ATP2B3: variants seen among roughly 807,000 people sequenced by gnomAD.
The protein encoded by ATP2B3 is ATPase plasma membrane Ca2+ transporting 3.
A neutral mutation model predicts 70.8 loss-of-function variants in ATP2B3; 12 were observed. That is an observed-to-expected ratio of 0.17 (90% CI 0.11 to 0.27). The LOEUF is 0.27. Among genes scored for constraint, ATP2B3 ranks in the 10% least tolerant of loss-of-function variants. The pLI is 1.00. For missense variants in ATP2B3, 858 were observed against 1,118.5 expected (o/e 0.77, Z 3.32); for synonymous variants, 460 against 497.8 (o/e 0.92, Z 1.01).
chrX:153,534,755 T>C (rs2090165484), intron 2 of ATP2B3, among the ~76,000 whole-genome samples: 1 of 113,253 alleles, frequency 8.8e-6, no homozygotes, highest in Non-Finnish European at 1.9e-5. Context: ...GGCTGCTTCA[T>C]GTGCAATGTG....
intron 2 of ATP2B3, among the ~76,000 whole-genome samples, chrX:153,520,963 C>G (rs998745627): frequency 1.8e-5 from 2 of 112,798 alleles, no homozygotes; most frequent in African/African-American, 3.2e-5. Flanking sequence ...GGATTTATAT[C>G]AGTCTCCAGC....
intron 21 of ATP2B3, chrX:153,569,885 G>T (rs1004605246): frequency 1.3e-6 from 1 of 751,735 alleles, no homozygotes; most frequent in South Asian, 2.6e-5. Context: ...TTTCTTTACC[G>T]CCCTGTCCAG....
rs782125984 is a variant in ATP2B3 at position 153,553,099 on chromosome X, A to T, written c.1888A>T (p.Met630Leu). The T allele has an allele frequency of 4.1e-6, 5 of 1,207,783 alleles. No individual in the cohort carries two copies. In the Admixed American group the frequency reaches 8.7e-5, roughly 21 times the overall value. ...CTTTCGGCCTCGGGACCGGGACGAC[A>T]TGGTGAGGAAGATCATCGAGCCGAT... ...RGFRPRDRDDMVRKIIEPMAC... is the reference protein window; with the variant it reads ...RGFRPRDRDDLVRKIIEPMAC... The change falls in exon 13 of 22, where the codon ATG (methionine) becomes TTG (leucine). Residue 630 changes from methionine (M) to leucine (L), a missense_variant. By Grantham distance (15) the Met-to-Leu change is conservative. Around this residue, in one of 5 missense-constraint regions of ATP2B3, gnomAD observed 242 missense variants for 281.3 expected, o/e 0.86. Transcript: ENST00000263519.
Position 153,558,274 on chromosome X carries a change from G to C in ATP2B3, c.2596G>C (p.Val866Leu), listed in dbSNP as rs1557014796. 1 of 1,211,213 alleles carries C rather than the reference G, an allele frequency of 8.3e-7. No homozygotes were observed. The highest frequency in any genetic ancestry group is 3.0e-5 in the East Asian group (1 of 33,824). The change falls in exon 17 of 22, where the codon GTG becomes CTG. Residue 866 changes from valine to leucine, a missense_variant. Coordinates refer to ENST00000263519, the MANE Select transcript of ATP2B3 (RefSeq NM_001001344.3). ...GACGGTCAATGTGGTGGCTGTGATC[G>C]TGGCCTTCACAGGTGCCTGCATTAC... Reference protein sequence around the residue: ...QLTVNVVAVIVAFTGACITQD... With the variant: ...QLTVNVVAVILAFTGACITQD...
intron 21 of ATP2B3, among the ~76,000 whole-genome samples, chrX:153,575,901 G>A (rs192073404): frequency 9.0e-6 from 1 of 111,025 alleles, no homozygotes; most frequent in African/African-American, 3.3e-5. Flanking sequence ...GATGGGGAAC[G>A]GAGAAGTGTG....
intron 6 of ATP2B3, among the ~76,000 whole-genome samples, chrX:153,542,806 C>T (rs782446515): frequency 6.2e-5 from 7 of 113,225 alleles, no homozygotes; most frequent in Admixed American, 9.2e-5. Context: ...CAGCATAGTC[C>T]GGTGTTTATC....
intron 2 of ATP2B3, 135 bp from the exon 3 acceptor site, chrX:153,535,987 G>T: frequency 2.4e-6 from 1 of 419,791 alleles, no homozygotes; most frequent in South Asian, 3.3e-5. Context: ...CACTGGCCCA[G>T]CCTGGGAGGT....
At chrX:153,554,256 G>A (rs782698072) in intron 13 of ATP2B3, among the ~76,000 whole-genome samples, 13 of 113,224 alleles carry the variant, frequency 1.1e-4, no homozygotes, top group African/African-American at 4.2e-4. Flanking sequence ...AATGGGCCCC[G>A]CAAAGGCGGG....
rs2090757346 is a variant in ATP2B3, at chrX:153,569,512, A to G, written c.3342+4409A>G. 4.9e-6 allele frequency: 5 copies of G among 1,019,881 alleles called. No individual in the cohort carries two copies. In the Admixed American group the frequency reaches 1.1e-4, roughly 23 times the overall value. 84.0% of individuals were successfully genotyped at this position (1,019,881 alleles called of 1,213,427 possible). A position where few individuals can be genotyped will look rare whatever the true frequency, so the allele number is the denominator to read the frequency against. On this transcript the variant is annotated intron_variant, in intron 21 of 21. Transcript: ENST00000263519. ...GGCTTTGCTGTCACCCTATGTGCCC[A>G]GTGGTGGCCCCTATCCTCGCCCAGC...
intron 7 of ATP2B3, among the ~76,000 whole-genome samples, chrX:153,543,964 C>T (rs1020088966): frequency 3.7e-5 from 4 of 107,622 alleles, no homozygotes; most frequent in Non-Finnish European, 5.8e-5. Flanking sequence ...GGGCGTGGGG[C>T]GGGCAGTCAG....
chrX:153,539,853 T>A (rs977929261), intron 3 of ATP2B3, among the ~76,000 whole-genome samples: 1 of 112,903 alleles, frequency 8.9e-6, no homozygotes, highest in Non-Finnish European at 1.9e-5. Flanking sequence ...CGGATGCCAG[T>A]CACGCACGTA....
chrX:153,573,144 G>A (rs922750565), intron 21 of ATP2B3, among the ~76,000 whole-genome samples: 6 of 112,593 alleles, frequency 5.3e-5, no homozygotes, highest in South Asian at 3.7e-4. Flanking sequence ...TGTGGCCACC[G>A]GGGGTCCCTC....
chrX:153,562,458 C>T (rs1292014334), intron 20 of ATP2B3, among the ~76,000 whole-genome samples: 2 of 112,119 alleles, frequency 1.8e-5, no homozygotes, highest in Middle Eastern at 8.4e-3. Context: ...TGACAGGGCC[C>T]AGGAAAACTG....
chrX:153,548,161 T>A (rs1343001972), intron 9 of ATP2B3, among the ~76,000 whole-genome samples, 162 bp downstream of exon 9: 3 of 112,758 alleles, frequency 2.7e-5, no homozygotes, highest in Non-Finnish European at 5.6e-5. Flanking sequence ...GCAGTGGCCA[T>A]CAGGGCCTGG....
intron 2 of ATP2B3, among the ~76,000 whole-genome samples, chrX:153,526,391 C>T (rs1272498262): frequency 9.0e-6 from 1 of 111,371 alleles, no homozygotes; most frequent in South Asian, 3.8e-4. Flanking sequence ...TGTTGGGTCC[C>T]GGCCTGAGAG....
intron 2 of ATP2B3, among the ~76,000 whole-genome samples, chrX:153,526,412 C>A (rs970662086): frequency 9.0e-6 from 1 of 111,544 alleles, no homozygotes; most frequent in Non-Finnish European, 1.9e-5. Context: ...GGGGCCTCTG[C>A]CTCTGCACTC....
At chrX:153,542,066 C>CGGGGGGGGGGGGGGGGGG in intron 5 of ATP2B3, 140 bp downstream of exon 5, 1 of 81,974 alleles carries the variant, frequency 1.2e-5, no homozygotes, top group Non-Finnish European at 1.8e-5. Context: ...CGGGAGGTGG[C>CGGGGGGGGGGGGGGGGGG]GGGGGTGGGG....
chrX:153,537,749 G>A (rs1557004778), intron 3 of ATP2B3, among the ~76,000 whole-genome samples: 1 of 112,516 alleles, frequency 8.9e-6, no homozygotes, highest in Non-Finnish European at 1.9e-5. Flanking sequence ...AGGCTGTGGA[G>A]GGCCATTTAT....
chrX:153,539,119 T>C (rs1281961750), intron 3 of ATP2B3, among the ~76,000 whole-genome samples: 4 of 111,081 alleles, frequency 3.6e-5, no homozygotes, highest in Non-Finnish European at 5.7e-5. Flanking sequence ...ACTTGGGGGG[T>C]CTTGTACTCC....
Sources: gnomAD v4.1 joint callset for allele counts (sites outside exome capture counted in the v4.1 genomes callset) on GRCh38, gnomAD v4.1.1 for gene constraint, gnomAD v4.1.1 regional missense constraint, MANE v1.5 for transcripts, NCBI Gene and HGNC (gene_info 2026-07-23, HGNC 2026-07-21) for gene names.